FER1L6: variants seen among roughly 807,000 people sequenced by gnomAD.
FER1L6 encodes fer-1 like family member 6.
Under a neutral mutation model 219.2 loss-of-function variants are expected in FER1L6, and 177 were observed. That is an observed-to-expected ratio of 0.81 (90% CI 0.71 to 0.91). The LOEUF is 0.91. FER1L6 is among the 40% of genes least tolerant of loss of function. The pLI is 0.00. For synonymous variants in FER1L6, 768 were observed against 824.3 expected (o/e 0.93, Z 1.17); for missense variants, 2,153 against 2,259.9 (o/e 0.95, Z 0.96).
intron 33 of FER1L6, among the ~76,000 whole-genome samples, chr8:124,085,320 T>C (rs1401922691): frequency 6.6e-6 from 1 of 152,082 alleles, no homozygotes; most frequent in Non-Finnish European, 1.5e-5. Flanking sequence ...TGTTACATTA[T>C]TTATTTGAAG....
At chr8:124,038,273 G>C (rs114622403) in intron 19 of FER1L6, among the ~76,000 whole-genome samples, 2 of 152,170 alleles carry the variant, frequency 1.3e-5, no homozygotes, top group Admixed American at 6.5e-5. Flanking sequence ...CACCACCTCC[G>C]CTATGGTCTG....
intron 11 of FER1L6, 176 bp from the exon 12 acceptor site, chr8:123,985,892 G>C (rs903713762): frequency 5.3e-6 from 3 of 570,248 alleles, no homozygotes; most frequent in South Asian, 2.3e-5. Context: ...TGGATCTGCA[G>C]TTTGCAGATC....
chr8:123,990,932 T>C (rs1220945309), intron 12 of FER1L6, among the ~76,000 whole-genome samples: 1 of 152,242 alleles, frequency 6.6e-6, no homozygotes, highest in African/African-American at 2.4e-5. Flanking sequence ...TACGTGTGGC[T>C]ATCCAGTTTT....
chr8:124,104,703 T>C (rs1291465875), intron 39 of FER1L6, among the ~76,000 whole-genome samples: 1 of 152,206 alleles, frequency 6.6e-6, no homozygotes, highest in Non-Finnish European at 1.5e-5. Flanking sequence ...CTAATTTCTG[T>C]ATATTAATAA....
intron 1 of FER1L6, among the ~76,000 whole-genome samples, chr8:123,912,794 T>C (rs1003207815): frequency 2.0e-5 from 3 of 152,184 alleles, no homozygotes; most frequent in African/African-American, 7.2e-5. Flanking sequence ...TCAAATGCTA[T>C]GGGAATCCAA....
At chr8:123,932,919 A>G (rs1260801285) in intron 1 of FER1L6, among the ~76,000 whole-genome samples, 3 of 152,238 alleles carry the variant, frequency 2.0e-5, no homozygotes, top group African/African-American at 4.8e-5. Flanking sequence ...GGAGACAGAC[A>G]GGTAAAAGGG....
Position 124,082,377 on chromosome 8 carries a change from T to C in FER1L6, c.4310T>C (p.Ile1437Thr), listed in dbSNP as rs774793379. ...GACATGATTGGCACAGATGACCTTA[T>C]TGGTGAGACCAAGATCGACCTGGAG... ...DHDMIGTDDL[I>T]GETKIDLENR... The change falls in exon 33 of 41, where the codon ATT becomes ACT. Residue 1437 changes from isoleucine to threonine, a missense_variant. By Grantham distance (89) the Ile-to-Thr change is moderately conservative. Transcript: ENST00000522917. The C allele has an allele frequency of 1.2e-5, 19 of 1,613,992 alleles. No homozygotes were observed. The highest frequency in any genetic ancestry group is 2.7e-5 in the African/African-American group (2 of 74,926).
At chr8:124,027,932 C>A (rs1818782997) in intron 18 of FER1L6, among the ~76,000 whole-genome samples, 1 of 152,152 alleles carries the variant, frequency 6.6e-6, no homozygotes, top group Non-Finnish European at 1.5e-5. Flanking sequence ...AAGTCATTCA[C>A]CACAATTATC....
chr8:124,105,834 A>C (rs1822748311), intron 39 of FER1L6, among the ~76,000 whole-genome samples: 1 of 152,234 alleles, frequency 6.6e-6, no homozygotes, highest in African/African-American at 2.4e-5. Context: ...AAAGGAATGA[A>C]ATACTGATAC....
chr8:124,064,200 C>T (rs1050004309), intron 25 of FER1L6, 147 bp from the exon 26 acceptor site: 41 of 726,326 alleles, frequency 5.6e-5, no homozygotes, highest in Non-Finnish European at 9.2e-5. Flanking sequence ...TTTTTACTGT[C>T]ATTTTATACA....
At chr8:124,058,340 G>C (rs1304978486) in intron 22 of FER1L6, among the ~76,000 whole-genome samples, 11 of 152,172 alleles carry the variant, frequency 7.2e-5, no homozygotes. Flanking sequence ...TATTAGAGCA[G>C]TCTGGCTTTC....
intron 33 of FER1L6, among the ~76,000 whole-genome samples, chr8:124,089,806 A>G (rs1191977061): frequency 6.6e-6 from 1 of 152,182 alleles, no homozygotes; most frequent in Non-Finnish European, 1.5e-5. Context: ...AGACTCTACT[A>G]TCCACGCAGT....
At chr8:123,941,079 A>G (rs1272286164) in intron 1 of FER1L6, among the ~76,000 whole-genome samples, 1 of 152,232 alleles carries the variant, frequency 6.6e-6, no homozygotes, top group Non-Finnish European at 1.5e-5. Context: ...AATGAATTAC[A>G]CATGTCTACT....
At chr8:124,049,556 A>C in intron 21 of FER1L6, 51 bp from the exon 22 acceptor site, 2 of 1,595,992 alleles carry the variant, frequency 1.3e-6, no homozygotes, top group Non-Finnish European at 1.7e-6. Flanking sequence ...GTGGATCAGA[A>C]CCAGGTAATT....
rs1175534006 is a variant in FER1L6 at position 124,062,018 on chromosome 8, C to T, written c.3314C>T (p.Thr1105Ile). 20 of 1,613,988 alleles carry T rather than the reference C, an allele frequency of 1.2e-5. No homozygotes were observed. Among genetic ancestry groups the T allele is most frequent in the Non-Finnish European group, 1.7e-5 (20 of 1,179,978 alleles). Residue 1105 changes from threonine to isoleucine, a missense_variant, in exon 25 of 41, where the codon ACC (threonine) becomes ATC (isoleucine). Physicochemically the swap from Thr to Ile is moderately conservative, Grantham distance 89. Transcript: ENST00000522917. ...PLAPITQVDG[T>I]QPGHDISDSL... is the part of the protein sequence containing the mutation. Reference sequence around the variant, plus strand: ...GCCCCCATCACACAGGTGGATGGAACCCAGCCTGGGCACGGTGAGAAGCTG... The same window carrying T: ...GCCCCCATCACACAGGTGGATGGAATCCAGCCTGGGCACGGTGAGAAGCTG...
Position 123,973,506 on chromosome 8 carries a change from C to A in FER1L6, c.520C>A (p.Gln174Lys). The stretch of plus-strand genomic sequence containing the variant: ...AGTAGACCTGGGGACCGTGTACAAC[C>A]AACCTGGTAAGAAAACATCACCTCC... ...FKVDLGTVYNQPGHQFCNKWA... is the reference protein window; with the variant it reads ...FKVDLGTVYNKPGHQFCNKWA... The change falls in exon 7 of 41, where the codon CAA (glutamine) becomes AAA (lysine). Residue 174 changes from glutamine to lysine, a missense_variant. Physicochemically the swap from Gln to Lys is moderately conservative, Grantham distance 53. Transcript: ENST00000522917. 1 of 1,611,972 alleles carries A rather than the reference C, an allele frequency of 6.2e-7. No homozygotes were observed. Among genetic ancestry groups the A allele is most frequent in the South Asian group, 1.1e-5 (1 of 91,034 alleles).
chr8:123,858,142 T>C (rs1355933290), intron 1 of FER1L6, among the ~76,000 whole-genome samples: 1 of 152,312 alleles, frequency 6.6e-6, no homozygotes, highest in African/African-American at 2.4e-5. Flanking sequence ...GTTCTCCTAC[T>C]TTAACCAGGT....
At chr8:123,912,286 A>AAAAAAAAAG (rs148584904) in intron 1 of FER1L6, among the ~76,000 whole-genome samples, 1 of 150,498 alleles carries the variant, frequency 6.6e-6, no homozygotes, top group Non-Finnish European at 1.5e-5. Flanking sequence ...GTTTAAAAAA[A>AAAAAAAAAG]AAGAAGAAGA....
intron 22 of FER1L6, 100 bp from the exon 23 acceptor site, chr8:124,060,080 T>C (rs1330076036): frequency 8.4e-6 from 7 of 828,618 alleles, no homozygotes; most frequent in Non-Finnish European, 1.4e-5. Flanking sequence ...TTACTTTTGT[T>C]GGCAAAACAG....
Sources: gnomAD v4.1 joint callset for allele counts (sites outside exome capture counted in the v4.1 genomes callset) on GRCh38, gnomAD v4.1.1 for gene constraint, MANE v1.5 for transcripts, NCBI Gene and HGNC (gene_info 2026-07-23, HGNC 2026-07-21) for gene names.